VWA8: variants seen among roughly 807,000 people sequenced by gnomAD.
The protein encoded by VWA8 is von Willebrand factor A domain containing 8, also known as von Willebrand factor A domain-containing protein 8.
In VWA8, 221 loss-of-function variants were observed where a neutral mutation model predicts 241.5. That is an observed-to-expected ratio of 0.91 (90% CI 0.82 to 1.02). The LOEUF (loss-of-function observed/expected upper bound fraction) is 1.02. VWA8 is among the 50% of genes least tolerant of loss of function. The pLI, the probability that VWA8 is intolerant of heterozygous loss-of-function variation, is 0.00. For synonymous variants in VWA8, 852 were observed against 827.1 expected (o/e 1.03, Z -0.52); for missense variants, 2,322 against 2,328.7 (o/e 1.00, Z 0.06).
intron 12 of VWA8, among the ~76,000 whole-genome samples, chr13:41,855,513 C>T (rs1231830542): frequency 1.3e-5 from 2 of 151,428 alleles, no homozygotes; most frequent in Non-Finnish European, 2.9e-5. Flanking sequence ...GAACAAACTA[C>T]TGATACATGC....
chr13:41,841,830 T>A (rs1404880976), intron 12 of VWA8, among the ~76,000 whole-genome samples: 6 of 50,014 alleles, frequency 1.2e-4, no homozygotes, highest in East Asian at 7.2e-4. Context: ...AATATATATA[T>A]ATATATATAT....
rs1240010494 is a variant in VWA8 at position 41,571,334 on chromosome 13, CTCTCCCTCTCCCG to C, written c.5371-641_5371-629del. The stretch of plus-strand genomic sequence containing the variant: ...TCCTCCCTCTCCCTCTCCCGTCTCC[CTCTCCCTCTCCCG>C]TCTCCCTCTCCCTCTCCCCGGTCTC... On this transcript the variant is annotated intron_variant, in intron 43 of 44. Transcript: ENST00000379310. Among the ~76,000 whole-genome samples the C allele has an allele frequency of 1.0e-3, 144 of 138,954 alleles. 2 individuals carry two copies. The highest frequency in any genetic ancestry group is 3.6e-3 in the African/African-American group (123 of 34,104). The allele number at this position is 138,954 out of a possible 152,430, so 91.2% of individuals were successfully genotyped here.
At chr13:41,879,437 G>A (rs571513160) in intron 9 of VWA8, among the ~76,000 whole-genome samples, 1 of 147,078 alleles carries the variant, frequency 6.8e-6, no homozygotes, top group Non-Finnish European at 1.5e-5. Flanking sequence ...TTTCATCATT[G>A]GTTATTTCAC....
intron 14 of VWA8, among the ~76,000 whole-genome samples, chr13:41,824,944 A>C (rs901188127): frequency 5.9e-5 from 9 of 152,126 alleles, no homozygotes; most frequent in Non-Finnish European, 1.3e-4. Flanking sequence ...ATAAGGATAT[A>C]AGAGTGACTG....
At chr13:41,940,930 A>C (rs1877567114) in intron 2 of VWA8, among the ~76,000 whole-genome samples, 1 of 152,214 alleles carries the variant, frequency 6.6e-6, no homozygotes, top group Non-Finnish European at 1.5e-5. Flanking sequence ...GAAAATGCAA[A>C]TTGGGTCTAC....
intron 9 of VWA8, among the ~76,000 whole-genome samples, chr13:41,870,489 A>T (rs1873541073): frequency 6.6e-6 from 1 of 152,104 alleles, no homozygotes; most frequent in Non-Finnish European, 1.5e-5. Context: ...AAATACAAAA[A>T]TTAGCTGGGC....
intron 3 of VWA8, among the ~76,000 whole-genome samples, chr13:41,911,560 C>T (rs758998330): frequency 6.6e-6 from 1 of 152,116 alleles, no homozygotes. Context: ...GTTTTCTCAT[C>T]TATTTAAAGA....
intron 2 of VWA8, among the ~76,000 whole-genome samples, chr13:41,935,770 T>A (rs1233715760): frequency 4.6e-5 from 7 of 151,956 alleles, no homozygotes; most frequent in Admixed American, 1.3e-4. Context: ...GAGGTTTTTT[T>A]TTTTTTAACA....
Position 41,614,976 on chromosome 13 carries a change from C to T in VWA8, c.4720G>A (p.Gly1574Arg). ...TCAGGAGAATGCCTGTGCTACCAAC[C>T]TGTTCCGCCAGCCCAAGTGTTGCCG... is the stretch of plus-strand genomic sequence containing the variant. The part of the protein sequence containing the change: ...VGGNTWAGGT[G>R]GRDTAGLGGK... The change falls in exon 38 of 45, where the codon GGG (glycine) becomes AGG (arginine). Residue 1574 changes from glycine (G) to arginine (R), a missense_variant and splice_region_variant. Transcript: ENST00000379310. The T allele has an allele frequency of 6.2e-7, 1 of 1,612,988 alleles. No individual in the cohort carries two copies. The highest frequency in any genetic ancestry group is 2.2e-5 in the East Asian group (1 of 44,846).
Position 41,932,606 on chromosome 13 carries a change from T to C in VWA8, c.241+17330A>G, listed in dbSNP as rs576149130. On this transcript the variant is annotated intron_variant, in intron 2 of 44. Transcript: ENST00000379310. ...ATATATAAAAAGACTCACACATTGT[T>C]ACCAAGAGGGTCTTATCCCAGGAAT... 1.3e-3 allele frequency among the ~76,000 whole-genome samples: 192 copies of C among 152,028 alleles called. 2 individuals carry two copies. Among genetic ancestry groups the C allele is most frequent in the Non-Finnish European group, 2.3e-3 (156 of 67,886 alleles).
intron 21 of VWA8, among the ~76,000 whole-genome samples, chr13:41,745,763 G>C (rs957751376): frequency 6.6e-6 from 1 of 152,120 alleles, no homozygotes; most frequent in Admixed American, 6.5e-5. Context: ...GTTGGTGGGA[G>C]TGTAAACTAG....
At chr13:41,617,940 G>C (rs547870709) in intron 37 of VWA8, among the ~76,000 whole-genome samples, 3 of 151,952 alleles carry the variant, frequency 2.0e-5, no homozygotes, top group East Asian at 1.9e-4. Context: ...ATAAACATAC[G>C]TGTGCATGTG....
chr13:41,615,173 C>T lies in VWA8; in HGVS notation c.4612-89G>A. 3 of 1,344,834 alleles carry T rather than the reference C, an allele frequency of 2.2e-6. No individual in the cohort carries two copies. In the Admixed American group the frequency reaches 6.1e-5, roughly 27 times the overall value. The allele number at this position is 1,344,834 out of a possible 1,614,324, so 83.3% of individuals were successfully genotyped here. On this transcript the variant is annotated intron_variant, in intron 37 of 44. Transcript: ENST00000379310. ...AAAAAAAAATTATTTTCTCCTAAGTCCTTAAGGTATCACATAACCTCAGGC... is the reference window on the plus strand; with the variant it reads ...AAAAAAAAATTATTTTCTCCTAAGTTCTTAAGGTATCACATAACCTCAGGC...
chr13:41,666,479 A>C (rs12867617), intron 37 of VWA8, among the ~76,000 whole-genome samples: 11,553 of 152,216 alleles, frequency 0.076, 887 homozygotes, highest in African/African-American at 0.2. Flanking sequence ...TGATAAAGCC[A>C]TAAATAAGCA....
At chr13:41,749,046 G>T (rs2045632767) in intron 21 of VWA8, among the ~76,000 whole-genome samples, 1 of 152,082 alleles carries the variant, frequency 6.6e-6, no homozygotes, top group African/African-American at 2.4e-5. Flanking sequence ...CACAGCAAAA[G>T]AAACTACCAT....
At chr13:41,591,894 G>C (rs28604936) in intron 40 of VWA8, among the ~76,000 whole-genome samples, 41,230 of 133,878 alleles carry the variant, frequency 0.31, 6,047 homozygotes, top group South Asian at 0.37. Flanking sequence ...CAACCATTGT[G>C]GAAGTCAGTG....
At chr13:41,698,329 G>T (rs2137824189) in intron 29 of VWA8, among the ~76,000 whole-genome samples, 1 of 151,646 alleles carries the variant, frequency 6.6e-6, no homozygotes, top group Non-Finnish European at 1.5e-5. Context: ...AAAACATTAG[G>T]CTCCTTTCTA....
At chr13:41,718,817 G>A (rs2045363520) in intron 26 of VWA8, among the ~76,000 whole-genome samples, 1 of 151,148 alleles carries the variant, frequency 6.6e-6, no homozygotes, top group African/African-American at 2.4e-5. Context: ...GTCTCCTTTT[G>A]GGGCTAAAAT....
intron 38 of VWA8, 114 bp downstream of exon 38, chr13:41,614,862 A>G: frequency 1.0e-6 from 1 of 998,686 alleles, no homozygotes; most frequent in East Asian, 2.5e-5. Context: ...CTGAGTAATG[A>G]GGGAGGCTGA....
Sources: gnomAD v4.1 joint callset for allele counts (sites outside exome capture counted in the v4.1 genomes callset) on GRCh38, gnomAD v4.1.1 for gene constraint, MANE v1.5 for transcripts, NCBI Gene and HGNC (gene_info 2026-07-23, HGNC 2026-07-21) for gene names.